The following PHF24 variants were observed in gnomAD, a reference collection of about 807,000 sequenced individuals.
PHF24 encodes the protein PHD finger protein 24.
In PHF24, 25 loss-of-function variants were observed where a neutral mutation model predicts 42.6. The observed-to-expected ratio is 0.59, with a 90% CI of 0.43 to 0.82. PHF24 has a LOEUF of 0.82. Ranked by LOEUF, PHF24 falls within the 40% of genes least tolerant of loss-of-function variation. PHF24 has a pLI of 0.00. For synonymous variants in PHF24, 185 were observed against 204.8 expected, an observed-to-expected ratio of 0.90 and a Z score of 0.83; for missense variants, 470 against 538.1, an observed-to-expected ratio of 0.87 and a Z score of 1.25.
chr9:34,862,891 G>A, the PHF24 span, among the ~76,000 whole-genome samples: 81 of 152,046 alleles, frequency 5.3e-4, no homozygotes, highest in African/African-American at 1.9e-3. Flanking sequence ...TTCTGGACCT[G>A]CCCTGGGCCA....
the PHF24 span, among the ~76,000 whole-genome samples, chr9:34,768,737 G>A: frequency 4.0e-4 from 61 of 152,282 alleles, no homozygotes; most frequent in Admixed American, 7.8e-4. Context: ...TTGTTTGGTA[G>A]AGAGTGGAGT....
chr9:34,953,922 C>A (rs1563921887), upstream of PHF24, among the ~76,000 whole-genome samples: 1 of 152,122 alleles, frequency 6.6e-6, no homozygotes, highest in Non-Finnish European at 1.5e-5. This position sits in a 1 kb window ranked among gnomAD's most constrained non-coding sequence, Gnocchi z 4.1. Flanking sequence ...GACAACAGAG[C>A]AAGACCCTGT....
At chr9:34,778,907 G>T in the PHF24 span, among the ~76,000 whole-genome samples, 5 of 152,002 alleles carry the variant, frequency 3.3e-5, no homozygotes, top group African/African-American at 9.6e-5. Flanking sequence ...CAAAATCACA[G>T]AAAATATATT....
upstream of PHF24, among the ~76,000 whole-genome samples, chr9:34,954,815 A>G (rs1404940560): frequency 6.6e-6 from 1 of 152,208 alleles, no homozygotes; most frequent in Admixed American, 6.5e-5. Context: ...CATATAGTGC[A>G]TTGCACTCCA....
the PHF24 span, among the ~76,000 whole-genome samples, chr9:34,907,644 A>G: frequency 6.6e-6 from 1 of 152,192 alleles, no homozygotes; most frequent in East Asian, 1.9e-4. Flanking sequence ...GTAAAAGGCT[A>G]GTGCTTCAAA....
At chr9:34,807,668 A>G in the PHF24 span, among the ~76,000 whole-genome samples, 1 of 152,190 alleles carries the variant, frequency 6.6e-6, no homozygotes, top group South Asian at 2.1e-4. Flanking sequence ...AGATGATTTA[A>G]TTAGCGCTAA....
chr9:34,745,720 A>G, the PHF24 span, among the ~76,000 whole-genome samples: 1 of 151,224 alleles, frequency 6.6e-6, no homozygotes, highest in Non-Finnish European at 1.5e-5. Context: ...TTACCCCCCT[A>G]ACAAATAATG....
rs746410113 is a variant in PHF24, at chr9:34,977,986, C to T, written c.1107-29C>T. 8.9e-6 allele frequency: 14 copies of T among 1,569,858 alleles called. No homozygotes were observed. In the South Asian group the frequency reaches 1.6e-4, roughly 17 times the overall value. On this transcript the variant is annotated intron_variant, in intron 7 of 7. Transcript: ENST00000242315. ...GGCTCACGTGTCTTCAAACCAGCCT[C>T]ACGACTCTGTTCTTTGCTTCCACTC...
At chr9:34,947,716 T>G in the PHF24 span, among the ~76,000 whole-genome samples, 1 of 152,168 alleles carries the variant, frequency 6.6e-6, no homozygotes, top group Non-Finnish European at 1.5e-5. Flanking sequence ...GCAGTGATAT[T>G]AATGATCCTG....
the PHF24 span, among the ~76,000 whole-genome samples, chr9:34,680,719 T>A: frequency 3.2e-5 from 4 of 124,144 alleles, no homozygotes; most frequent in African/African-American, 8.5e-5. Flanking sequence ...AAAAAAAAAA[T>A]AAAATAAAAT....
chr9:34,750,921 C>T, the PHF24 span, among the ~76,000 whole-genome samples: 1 of 152,036 alleles, frequency 6.6e-6, no homozygotes, highest in Non-Finnish European at 1.5e-5. Context: ...CTAAACTCTT[C>T]AATCAAAAGA....
chr9:34,843,502 C>G, the PHF24 span, among the ~76,000 whole-genome samples: 1 of 152,122 alleles, frequency 6.6e-6, no homozygotes, highest in Non-Finnish European at 1.5e-5. Flanking sequence ...TAGTTTTATA[C>G]TAAGTCTTGA....
At chr9:34,936,814 G>A in the PHF24 span, among the ~76,000 whole-genome samples, 1 of 150,420 alleles carries the variant, frequency 6.6e-6, no homozygotes, top group Admixed American at 6.6e-5. Context: ...TCTGAGAAGT[G>A]AGGAGACCCT....
At chr9:34,683,280 C>G in the PHF24 span, among the ~76,000 whole-genome samples, 2 of 152,220 alleles carry the variant, frequency 1.3e-5, no homozygotes, top group Non-Finnish European at 2.9e-5. Context: ...AAGCTGGTCT[C>G]GAACTCCTGA....
the PHF24 span, among the ~76,000 whole-genome samples, chr9:34,713,848 T>C: frequency 6.6e-5 from 10 of 152,080 alleles, no homozygotes; most frequent in African/African-American, 2.4e-4. Flanking sequence ...TCCTTACATC[T>C]TGTTTTTTGA....
At chr9:34,905,131 G>T in the PHF24 span, among the ~76,000 whole-genome samples, 17 of 152,246 alleles carry the variant, frequency 1.1e-4, no homozygotes, top group East Asian at 2.7e-3. Context: ...AAACCACTTG[G>T]TTCAGAGAAC....
chr9:34,885,011 G>T, the PHF24 span, among the ~76,000 whole-genome samples: 1 of 152,158 alleles, frequency 6.6e-6, no homozygotes, highest in South Asian at 2.1e-4. Flanking sequence ...CATTAACCCC[G>T]GATTCCCACT....
chr9:34,729,163 C>T, the PHF24 span: 2 of 1,213,210 alleles, frequency 1.6e-6, no homozygotes, highest in South Asian at 1.7e-5. Context: ...AAAAGTATTA[C>T]ACAAAGGTAA....
At chr9:34,976,045 AT>A in intron 3 of PHF24, 106 bp from the exon 4 acceptor site, 1 of 771,774 alleles carries the variant, frequency 1.3e-6, no homozygotes, top group Admixed American at 2.0e-5. Context: ...CTGGGATTAG[AT>A]GATCTTGGAA....
Sources: allele counts gnomAD v4.1 joint callset (sites outside exome capture counted in the v4.1 genomes callset), GRCh38; gene constraint gnomAD v4.1.1; non-coding constraint Gnocchi (gnomAD v3.1); transcripts MANE v1.5; gene names NCBI Gene and HGNC (gene_info 2026-07-23, HGNC 2026-07-21).